The following GRIN2B variants were observed in gnomAD, a reference collection of about 807,000 sequenced individuals.
GRIN2B encodes the protein glutamate ionotropic receptor NMDA type subunit 2B.
In GRIN2B, 5 loss-of-function variants were observed where a neutral mutation model predicts 114.5. The ratio of observed to expected loss-of-function variants is 0.04; its 90% CI spans 0.02 to 0.09. GRIN2B has a LOEUF of 0.09. GRIN2B is among the 10% of genes least tolerant of loss of function. The pLI, the probability that GRIN2B is intolerant of heterozygous loss-of-function variation, is 1.00. For synonymous variants in GRIN2B, 787 were observed against 745.1 expected (o/e 1.06, Z -0.92); for missense variants, 1,108 against 1,943.5 (o/e 0.57, Z 8.08).
At chr12:13,941,244 T>G (rs961964572) in intron 2 of GRIN2B, among the ~76,000 whole-genome samples, 2 of 152,154 alleles carry the variant, frequency 1.3e-5, no homozygotes, top group Non-Finnish European at 2.9e-5. Flanking sequence ...TTTTAGTATT[T>G]TGATACTCCT....
At chr12:13,799,876 G>C (rs980557875) in intron 3 of GRIN2B, among the ~76,000 whole-genome samples, 1 of 152,086 alleles carries the variant, frequency 6.6e-6, no homozygotes, top group South Asian at 2.1e-4. Context: ...GCAGGGCAGG[G>C]AGAGAACTCA....
intron 5 of GRIN2B, among the ~76,000 whole-genome samples, chr12:13,656,627 T>C (rs539809188): frequency 9.3e-4 from 142 of 152,258 alleles, no homozygotes; most frequent in African/African-American, 3.3e-3. Context: ...AAATTCAACC[T>C]CCCTTCCAAG....
chr12:13,756,369 CA>C (rs1162681193), intron 3 of GRIN2B, among the ~76,000 whole-genome samples: 1 of 152,138 alleles, frequency 6.6e-6, no homozygotes, highest in Non-Finnish European at 1.5e-5. Context: ...AGGACTGAGA[CA>C]AGTGGGAATC....
At chr12:13,791,680 T>C (rs1864324656) in intron 3 of GRIN2B, among the ~76,000 whole-genome samples, 1 of 152,148 alleles carries the variant, frequency 6.6e-6, no homozygotes, top group Admixed American at 6.5e-5. Context: ...TTAAATTAAC[T>C]AAATAATTCT....
chr12:13,901,264 G>C (rs1258400112), intron 2 of GRIN2B, among the ~76,000 whole-genome samples: 17 of 151,866 alleles, frequency 1.1e-4, no homozygotes, highest in Admixed American at 1.1e-3. Flanking sequence ...ATGTTTATTG[G>C]CCACTTAGAC....
chr12:13,665,147 TTGTGTGTGTGTGTGTGTGTTTG>T lies in GRIN2B; in HGVS notation c.1125+10576_1125+10597del, dbSNP rs1400568987. 1.0e-4 allele frequency among the ~76,000 whole-genome samples: 10 copies of T among 96,292 alleles called. 1 individual carries two copies. In the South Asian group the frequency reaches 2.3e-3, roughly 23 times the overall value. The allele number at this position is 96,292 out of a possible 152,430, so 63.2% of individuals were successfully genotyped here. A position where few individuals can be genotyped will look rare whatever the true frequency, so the allele number is the denominator to read the frequency against. On this transcript the variant is annotated intron_variant, in intron 5 of 13. Coordinates refer to ENST00000609686, the MANE Select transcript of GRIN2B (RefSeq NM_000834.5). ...CTGAAAAGAGAGGGTGTGTGTGTGT[TTGTGTGTGTGTGTGTGTGTTTG>T]TGTGTGTGTGTGTGTGTGTGTGATA... is the stretch of plus-strand genomic sequence containing the variant.
At chr12:13,810,881 T>C (rs956515391) in intron 3 of GRIN2B, among the ~76,000 whole-genome samples, 2 of 152,240 alleles carry the variant, frequency 1.3e-5, no homozygotes, top group Non-Finnish European at 2.9e-5. Context: ...ACAGAAAACC[T>C]GTCTTCTTCT....
chr12:13,636,410 A>G (rs11055559), intron 5 of GRIN2B, among the ~76,000 whole-genome samples: 11,644 of 152,276 alleles, frequency 0.076, 641 homozygotes, highest in South Asian at 0.14. Flanking sequence ...AATAGCAGAC[A>G]CAAACTATTA....
intron 10 of GRIN2B, among the ~76,000 whole-genome samples, chr12:13,593,803 G>T (rs1019902074): frequency 3.9e-5 from 6 of 152,128 alleles, no homozygotes; most frequent in African/African-American, 1.4e-4. Context: ...CTAATATCCA[G>T]AATCTACAAA....
At chr12:13,570,966 C>T (rs527451859) in intron 11 of GRIN2B, among the ~76,000 whole-genome samples, 1 of 152,172 alleles carries the variant, frequency 6.6e-6, no homozygotes, top group Non-Finnish European at 1.5e-5. Flanking sequence ...TCAGACTACC[C>T]AAAGTGGCCC....
At chr12:13,930,668 T>C (rs1326426615) in intron 2 of GRIN2B, among the ~76,000 whole-genome samples, 1 of 152,218 alleles carries the variant, frequency 6.6e-6, no homozygotes, top group Non-Finnish European at 1.5e-5. Flanking sequence ...ACCTGTTTAT[T>C]CATGATTTGG....
intron 2 of GRIN2B, among the ~76,000 whole-genome samples, chr12:13,967,742 G>A (rs1867812166): frequency 6.6e-6 from 1 of 152,172 alleles, no homozygotes; most frequent in Admixed American, 6.5e-5. Flanking sequence ...TGGGCTATGG[G>A]AGCAGGAAGA....
intron 2 of GRIN2B, among the ~76,000 whole-genome samples, chr12:13,875,753 G>A (rs1463685520): frequency 1.3e-5 from 2 of 152,146 alleles, no homozygotes; most frequent in Admixed American, 6.6e-5. Flanking sequence ...TTTGCTGTGC[G>A]ATCTTTACCT....
chr12:13,909,545 G>A (rs1410090196), intron 2 of GRIN2B, among the ~76,000 whole-genome samples: 1 of 152,228 alleles, frequency 6.6e-6, no homozygotes, highest in Non-Finnish European at 1.5e-5. Flanking sequence ...AATATCAACT[G>A]GGTGTATCAT....
intron 3 of GRIN2B, among the ~76,000 whole-genome samples, chr12:13,779,568 TA>T (rs750870162): frequency 6.6e-6 from 1 of 152,240 alleles, no homozygotes; most frequent in Non-Finnish European, 1.5e-5. Flanking sequence ...TCTAAAATAT[TA>T]ATTCAATGTG....
intron 2 of GRIN2B, among the ~76,000 whole-genome samples, chr12:13,888,733 C>CA (rs1009806697): frequency 0.013 from 1,371 of 103,194 alleles, 10 homozygotes; most frequent in Middle Eastern, 0.06. Flanking sequence ...GACTCCATCT[C>CA]AAAAAAAAAA....
intron 5 of GRIN2B, among the ~76,000 whole-genome samples, chr12:13,651,433 C>T (rs190980221): frequency 3.3e-5 from 5 of 152,052 alleles, no homozygotes; most frequent in African/African-American, 7.2e-5. Flanking sequence ...AGAGATGAGA[C>T]GGGAAAGAAA....
At chr12:13,940,219 C>G (rs1321500537) in intron 2 of GRIN2B, among the ~76,000 whole-genome samples, 1 of 152,134 alleles carries the variant, frequency 6.6e-6, no homozygotes, top group African/African-American at 2.4e-5. Context: ...TGCCCTGATG[C>G]CACTTACACC....
intron 4 of GRIN2B, among the ~76,000 whole-genome samples, chr12:13,695,223 C>CAT (rs1331369116): frequency 2.0e-5 from 3 of 152,146 alleles, no homozygotes; most frequent in Non-Finnish European, 2.9e-5. Flanking sequence ...GAAACCAGTG[C>CAT]ATAAAGCCTA....
Sources: gnomAD v4.1 joint callset for allele counts (sites outside exome capture counted in the v4.1 genomes callset) on GRCh38, gnomAD v4.1.1 for gene constraint, MANE v1.5 for transcripts, NCBI Gene and HGNC (gene_info 2026-07-23, HGNC 2026-07-21) for gene names.